Variants in NDST3 observed in about 807,000 individuals in gnomAD.
NDST3 encodes N-deacetylase and N-sulfotransferase 3, also known as bifunctional heparan sulfate N-deacetylase/N-sulfotransferase 3.
NDST3 carries 58 observed loss-of-function variants against 96.1 expected under a neutral mutation model. The ratio of observed to expected loss-of-function variants is 0.60; its 90% CI spans 0.49 to 0.75. The LOEUF is 0.75. Ranked by LOEUF, NDST3 falls within the 30% of genes least tolerant of loss-of-function variation. The pLI, the probability that NDST3 is intolerant of heterozygous loss-of-function variation, is 0.00. For missense variants in NDST3, 788 were observed against 1,034.2 expected, an observed-to-expected ratio of 0.76 and a Z score of 3.27; for synonymous variants, 333 against 359.7, an observed-to-expected ratio of 0.93 and a Z score of 0.84.
rs1223474231 is a variant in NDST3 at position 118,126,527 on chromosome 4, TATATATACAC to T, written c.1225-11519_1225-11510del. On this transcript the variant is annotated intron_variant, in intron 4 of 13. Transcript: ENST00000296499. ...GTGTATGTATGTGTATATATATATATATATATACACATATATATATATATATACACCTCAT... is the reference window on the plus strand; with the variant it reads ...GTGTATGTATGTGTATATATATATATATATATATATATATATACACCTCAT... 8.8e-3 allele frequency among the ~76,000 whole-genome samples: 107 copies of T among 12,188 alleles called. No homozygotes were observed. In the South Asian group the frequency reaches 0.14, roughly 16 times the overall value. The allele number at this position is 12,188 out of a possible 152,430, so 8.0% of individuals were successfully genotyped here.
intron 6 of NDST3, among the ~76,000 whole-genome samples, chr4:118,187,635 C>G (rs1453846104): frequency 1.3e-5 from 2 of 152,112 alleles, no homozygotes. Flanking sequence ...ATAAGAGACC[C>G]CCTTTTTAGC....
intron 2 of NDST3, among the ~76,000 whole-genome samples, chr4:118,057,071 T>C (rs1241514604): frequency 6.6e-6 from 1 of 151,736 alleles, no homozygotes; most frequent in East Asian, 1.9e-4. Context: ...AACCAGGAAA[T>C]TGGAGTAAGA....
At chr4:118,229,317 T>C (rs114369513) in intron 8 of NDST3, among the ~76,000 whole-genome samples, 298 of 152,292 alleles carry the variant, frequency 2.0e-3, no homozygotes, top group Non-Finnish European at 3.4e-3. Flanking sequence ...AAAAAGTATT[T>C]TTCTGGATAA....
chr4:118,143,421 T>C (rs1270493820), intron 5 of NDST3, 135 bp from the exon 6 acceptor site: 5 of 791,860 alleles, frequency 6.3e-6, no homozygotes, highest in Middle Eastern at 3.8e-4. Flanking sequence ...TAGAGTATGA[T>C]AGATTGTCCA....
intron 1 of NDST3, among the ~76,000 whole-genome samples, chr4:118,040,229 AGTT>A (rs1338660334): frequency 6.6e-6 from 1 of 152,260 alleles, no homozygotes; most frequent in African/African-American, 2.4e-5. Context: ...AGTCTATGTG[AGTT>A]GTTGTTGCTA....
rs1742204105 is a variant in NDST3 at position 118,257,771 on chromosome 4, AC to A, written c.*2060del. The A allele has an allele frequency of 6.6e-6, 1 of 152,176 alleles. No individual in the cohort carries two copies. Among genetic ancestry groups the A allele is most frequent in the African/African-American group, 2.4e-5 (1 of 41,450 alleles). 9.4% of individuals were successfully genotyped at this position (152,176 alleles called of 1,614,324 possible). A position where few individuals can be genotyped will look rare whatever the true frequency, so the allele number is the denominator to read the frequency against. On this transcript the variant is annotated 3_prime_UTR_variant, in exon 14 of 14. Coordinates refer to ENST00000296499, the MANE Select transcript of NDST3 (RefSeq NM_004784.3). ...AAATCACCAATTTTTAAGACTCTTG[AC>A]TCTAAAAGCAAAATCAAAGTGATTT... is the stretch of plus-strand genomic sequence containing the variant.
chr4:118,160,527 C>T (rs1375012137), intron 6 of NDST3, among the ~76,000 whole-genome samples: 1 of 151,562 alleles, frequency 6.6e-6, no homozygotes, highest in Non-Finnish European at 1.5e-5. Context: ...AGACACTTTT[C>T]AAAAGAAGAC....
chr4:118,052,245 A>C (rs1725121249), intron 1 of NDST3, among the ~76,000 whole-genome samples: 1 of 152,100 alleles, frequency 6.6e-6, no homozygotes, highest in Non-Finnish European at 1.5e-5. Flanking sequence ...ACATGGATGT[A>C]ACTGGAGGAC....
At chr4:118,040,865 T>TTATATATATATATATA (rs995950295) in intron 1 of NDST3, among the ~76,000 whole-genome samples, 6 of 28,716 alleles carry the variant, frequency 2.1e-4, no homozygotes, top group Non-Finnish European at 1.5e-3. Flanking sequence ...ATTTATATAT[T>TTATATATATATATATA]TTTATATATA....
intron 2 of NDST3, among the ~76,000 whole-genome samples, chr4:118,070,647 CTT>C (rs34525909): frequency 5.4e-5 from 7 of 128,676 alleles, no homozygotes; most frequent in Non-Finnish European, 7.1e-5. Flanking sequence ...CTCAACCATT[CTT>C]TTTTTTTTTT....
At chr4:118,210,490 C>G (rs1007314770) in intron 6 of NDST3, among the ~76,000 whole-genome samples, 1 of 152,122 alleles carries the variant, frequency 6.6e-6, no homozygotes, top group Admixed American at 6.6e-5. Context: ...AAAAGGGACC[C>G]TGCTGGGCCG....
rs866520450 is a variant in NDST3, at chr4:118,054,349, C to G, written c.439C>G (p.Arg147Gly). ...GTATATAAATATGGATTCCTGGAAT[C>G]GAAGCCTTCTAGATAAATACTGTGT... is the stretch of plus-strand genomic sequence containing the variant. ...LKYINMDSWN[R>G]SLLDKYCVEY... The change falls in exon 2 of 14, where the codon CGA (arginine) becomes GGA (glycine). Residue 147 changes from arginine (R) to glycine (G), a missense_variant. By Grantham distance (125) the Arg-to-Gly change is moderately radical (BLOSUM62 -2). Coordinates refer to ENST00000296499, the MANE Select transcript of NDST3 (RefSeq NM_004784.3). The G allele has an allele frequency of 6.2e-7, 1 of 1,612,186 alleles. No homozygotes were observed. The highest frequency in any genetic ancestry group is 8.5e-7 in the Non-Finnish European group (1 of 1,178,912).
intron 2 of NDST3, among the ~76,000 whole-genome samples, chr4:118,077,725 T>A (rs1727664173): frequency 6.6e-6 from 1 of 152,210 alleles, no homozygotes; most frequent in Non-Finnish European, 1.5e-5. Flanking sequence ...TCCTTCCTGC[T>A]TGGGCACCAC....
At chr4:118,230,737 T>C (rs1740229254) in intron 8 of NDST3, among the ~76,000 whole-genome samples, 1 of 152,200 alleles carries the variant, frequency 6.6e-6, no homozygotes, top group South Asian at 2.1e-4. Context: ...AGCACATTTT[T>C]ACTTTGTATA....
At chr4:118,236,124 T>C (rs1240559055) in intron 9 of NDST3, among the ~76,000 whole-genome samples, 3 of 152,214 alleles carry the variant, frequency 2.0e-5, no homozygotes, top group African/African-American at 7.2e-5. Flanking sequence ...AGTGTGATAA[T>C]GGCTTATGAA....
chr4:118,208,040 A>C (rs1311044807), intron 6 of NDST3, among the ~76,000 whole-genome samples: 1 of 144,566 alleles, frequency 6.9e-6, no homozygotes, highest in Non-Finnish European at 1.5e-5. Context: ...GCTAGTTCCT[A>C]AGATAATTTA....
At chr4:118,161,971 G>A (rs1302861014) in intron 6 of NDST3, among the ~76,000 whole-genome samples, 5 of 152,150 alleles carry the variant, frequency 3.3e-5, no homozygotes, top group Admixed American at 6.6e-5. Flanking sequence ...CATCGCTCAC[G>A]CTGGGAGCTG....
intron 8 of NDST3, among the ~76,000 whole-genome samples, chr4:118,232,016 A>G (rs192049772): frequency 1.3e-5 from 2 of 152,274 alleles, no homozygotes; most frequent in South Asian, 2.1e-4. Context: ...TGCAAATTCT[A>G]TAAGTTATGT....
intron 2 of NDST3, among the ~76,000 whole-genome samples, chr4:118,076,802 C>G (rs985676018): frequency 6.6e-6 from 1 of 152,152 alleles, no homozygotes; most frequent in East Asian, 1.9e-4. Context: ...GTTATTTCAG[C>G]TATTTCAGCC....
Sources: gnomAD v4.1 joint callset for allele counts (sites outside exome capture counted in the v4.1 genomes callset) on GRCh38, gnomAD v4.1.1 for gene constraint, MANE v1.5 for transcripts, NCBI Gene and HGNC (gene_info 2026-07-23, HGNC 2026-07-21) for gene names.